Variants in UTY observed in about 807,000 individuals in gnomAD.
UTY encodes ubiquitously transcribed tetratricopeptide repeat containing, Y-linked, also known as histone demethylase UTY.
In UTY, 12 loss-of-function variants were observed where a neutral mutation model predicts 32.5. The observed-to-expected ratio is 0.37, with a 90% CI of 0.24 to 0.60. UTY has a LOEUF of 0.60. Among genes scored for constraint, UTY ranks in the 20% least tolerant of loss-of-function variants. The pLI is 0.69. For missense variants in UTY, 303 were observed against 299.2 expected, an observed-to-expected ratio of 1.01 and a Z score of -0.09; for synonymous variants, 131 against 103.4, an observed-to-expected ratio of 1.27 and a Z score of -1.62.
chrY:13,446,686 G>A, intron 4 of UTY, among the ~76,000 whole-genome samples: 1 of 31,909 alleles, frequency 3.1e-5, no homozygotes, highest in East Asian at 8.2e-4. Context: ...TTCATGGGCT[G>A]TACCATATAA....
At position 13,396,819 on chromosome Y, in the gene UTY, ACTTCT is replaced by A. The variant is rs2032678; in HGVS notation, c.610+94_610+98del. 0.033 allele frequency: 5,436 copies of A among 166,418 alleles called. No individual in the cohort carries two copies. In the East Asian group the frequency reaches 0.65, roughly 20 times the overall value. The allele number at this position is 166,418 out of a possible 400,897, so 41.5% of individuals were successfully genotyped here. On this transcript the variant is annotated intron_variant, in intron 7 of 29. Transcript: ENST00000545955. ...CTCTGAATCAGGCACATGCCTTCTC[ACTTCT>A]CTTCTCAAGAATGAACAGAAACAAA...
At chrY:13,271,087 C>G in intron 27 of UTY, among the ~76,000 whole-genome samples, 1 of 32,297 alleles carries the variant, frequency 3.1e-5, no homozygotes. Context: ...CAAAAACAAA[C>G]AAACAAAAAA....
intron 17 of UTY, among the ~76,000 whole-genome samples, chrY:13,340,499 AC>A: frequency 3.0e-5 from 1 of 33,162 alleles, no homozygotes; most frequent in East Asian, 8.1e-4. Flanking sequence ...GAGAGGAACC[AC>A]AGTCCTTGCC....
At chrY:13,318,301 T>C (rs561970141) in intron 21 of UTY, among the ~76,000 whole-genome samples, 4 of 31,423 alleles carry the variant, frequency 1.3e-4, no homozygotes, top group African/African-American at 4.9e-4. Flanking sequence ...GTAAGAAAGC[T>C]TAAAGAGAAA....
intron 6 of UTY, among the ~76,000 whole-genome samples, chrY:13,402,574 T>C (rs2069260841): frequency 3.0e-5 from 1 of 33,414 alleles, no homozygotes; most frequent in African/African-American, 1.2e-4. Flanking sequence ...TTCTTACAAG[T>C]GGAAGGGTCC....
intron 2 of UTY, among the ~76,000 whole-genome samples, chrY:13,476,818 G>A: frequency 3.2e-5 from 1 of 30,920 alleles, no homozygotes; most frequent in African/African-American, 1.3e-4. Context: ...TTTGATATGC[G>A]GGTTCACGTA....
chrY:13,412,550 G>A, intron 5 of UTY, among the ~76,000 whole-genome samples: 1 of 32,703 alleles, frequency 3.1e-5, no homozygotes, highest in Non-Finnish European at 7.5e-5. Flanking sequence ...GTGATTTTAC[G>A]TTCTTATCTT....
At chrY:13,265,377 T>G in intron 27 of UTY, among the ~76,000 whole-genome samples, 1 of 34,070 alleles carries the variant, frequency 2.9e-5, no homozygotes, top group African/African-American at 1.1e-4. Flanking sequence ...TCCATGAGCA[T>G]CGAATGTTTT....
At chrY:13,473,845 A>T (rs918692076) in intron 2 of UTY, among the ~76,000 whole-genome samples, 1 of 33,983 alleles carries the variant, frequency 2.9e-5, no homozygotes, top group African/African-American at 1.1e-4. Context: ...CTGGTATCTA[A>T]TTTTTTAAGG....
At position 13,276,735 on chromosome Y, in the gene UTY, A is replaced by C. The variant is rs553851658; in HGVS notation, c.4011-16331T>G. On this transcript the variant is annotated intron_variant, in intron 27 of 29. Coordinates refer to ENST00000545955, the MANE Select transcript of UTY (RefSeq NM_001258249.2). ...AGACTCGTCTCAAAAAACCCCCCCC[A>C]AAAAAAACAAAGACAAAGAGAGTTT... Among the ~76,000 whole-genome samples, 203 of 32,797 alleles carry C rather than the reference A, an allele frequency of 6.2e-3. No individual in the cohort carries two copies. The South Asian group carries it at 0.13, about 21-fold the overall frequency. The allele number at this position is 32,797 out of a possible 37,273, so 88.0% of individuals were successfully genotyped here.
intron 18 of UTY, among the ~76,000 whole-genome samples, chrY:13,329,317 TTC>T (rs2060495539): frequency 2.9e-5 from 1 of 33,980 alleles, no homozygotes; most frequent in Non-Finnish European, 7.3e-5. Context: ...GTTATTTATT[TTC>T]TGTTAATTTG....
intron 4 of UTY, among the ~76,000 whole-genome samples, chrY:13,432,812 A>G: frequency 3.0e-5 from 1 of 33,347 alleles, no homozygotes; most frequent in East Asian, 7.8e-4. Context: ...CACAGCCTCC[A>G]TTAGTAACCA....
chrY:13,417,542 C>T, intron 4 of UTY, among the ~76,000 whole-genome samples: 1 of 33,499 alleles, frequency 3.0e-5, no homozygotes, highest in African/African-American at 1.2e-4. Context: ...AAAAACAGTG[C>T]ATAGAGGTTT....
chrY:13,469,930 G>A, intron 3 of UTY, among the ~76,000 whole-genome samples, 191 bp downstream of exon 3: 1 of 33,255 alleles, frequency 3.0e-5, no homozygotes, highest in Non-Finnish European at 7.4e-5. Flanking sequence ...TCTAATTGAC[G>A]GCATATTTAC....
chrY:13,459,652 T>C (rs1003671066), intron 3 of UTY, among the ~76,000 whole-genome samples: 2 of 33,278 alleles, frequency 6.0e-5, no homozygotes, highest in African/African-American at 2.4e-4. Flanking sequence ...ATCATTTATT[T>C]TGATTTCTTT....
Position 13,248,491 on chromosome Y carries a change from A to AT in UTY, c.*1364dup. 5.5e-5 allele frequency: 2 copies of AT among 36,646 alleles called. No homozygotes were observed. The highest frequency in any genetic ancestry group is 1.3e-4 in the Non-Finnish European group (2 of 15,422). 9.1% of individuals were successfully genotyped at this position (36,646 alleles called of 400,897 possible). A position where few individuals can be genotyped will look rare whatever the true frequency, so the allele number is the denominator to read the frequency against. On this transcript the variant is annotated 3_prime_UTR_variant, in exon 30 of 30. Coordinates refer to ENST00000545955, the MANE Select transcript of UTY (RefSeq NM_001258249.2). ...TTATTACAATTTACTAGCGATATAG[A>AT]TTTTTTAATACTTTCCTCCCCTTCA...
chrY:13,305,100 T>G, intron 24 of UTY, among the ~76,000 whole-genome samples: 1 of 32,396 alleles, frequency 3.1e-5, no homozygotes, highest in Non-Finnish European at 7.5e-5. Flanking sequence ...TTGTTCTCAC[T>G]GTAATTGTGG....
At chrY:13,406,730 C>T (rs370295841) in intron 6 of UTY, among the ~76,000 whole-genome samples, 20 of 27,532 alleles carry the variant, frequency 7.3e-4, no homozygotes, top group South Asian at 2.4e-3. Flanking sequence ...CTCATAATAC[C>T]TCAAAATACT....
intron 4 of UTY, among the ~76,000 whole-genome samples, chrY:13,446,619 T>TAGATAGATAGACAGACAGAC (rs1556515298): frequency 9.1e-4 from 13 of 14,267 alleles, no homozygotes; most frequent in Non-Finnish European, 1.5e-3. Context: ...GATAGATAGA[T>TAGATAGATAGACAGACAGAC]AGACAGACAG....
Sources: allele counts gnomAD v4.1 joint callset (sites outside exome capture counted in the v4.1 genomes callset), GRCh38; gene constraint gnomAD v4.1.1; transcripts MANE v1.5; gene names NCBI Gene and HGNC (gene_info 2026-07-23, HGNC 2026-07-21).